Variants in MAP3K7 observed in about 807,000 individuals in gnomAD.
MAP3K7 encodes the protein mitogen-activated protein kinase kinase kinase 7.
In MAP3K7, 21 loss-of-function variants were observed where a neutral mutation model predicts 84.8. The observed-to-expected ratio is 0.25, with a 90% CI of 0.18 to 0.36. MAP3K7 has a LOEUF of 0.36. Ranked by LOEUF, MAP3K7 falls within the 10% of genes least tolerant of loss-of-function variation. MAP3K7 has a pLI of 1.00. For missense variants in MAP3K7, 503 were observed against 747.7 expected (o/e 0.67, Z 3.82); for synonymous variants, 241 against 247.7 (o/e 0.97, Z 0.25).
intron 6 of MAP3K7, 127 bp downstream of exon 6, chr6:90,556,373 G>A: frequency 1.1e-6 from 1 of 949,120 alleles, no homozygotes; most frequent in South Asian, 2.1e-5. Context: ...TATCCCCTTA[G>A]ATTTCATTGT....
chr6:90,560,009 G>T, intron 5 of MAP3K7, 67 bp downstream of exon 5: 1 of 1,574,028 alleles, frequency 6.4e-7, no homozygotes, highest in Non-Finnish European at 8.7e-7. Context: ...TAGAGAGTGG[G>T]TTCGGGGTGG....
chr6:90,535,974 T>C (rs1289246324), intron 13 of MAP3K7, among the ~76,000 whole-genome samples: 1 of 152,148 alleles, frequency 6.6e-6, no homozygotes, highest in Middle Eastern at 3.2e-3. Flanking sequence ...ACTACCCTTA[T>C]TAGTAAAAAG....
chr6:90,521,826 C>T lies in MAP3K7; in HGVS notation c.1462+1852G>A, dbSNP rs185548276. 3.3e-4 allele frequency among the ~76,000 whole-genome samples: 50 copies of T among 152,072 alleles called. No individual in the cohort carries two copies. In the East Asian group the frequency reaches 8.7e-3, roughly 26 times the overall value. ...TATATTATAAATAGGAACTGAAGAG[C>T]GCTTATTATCGGCTATGATTATTAA... On this transcript the variant is annotated intron_variant, in intron 14 of 16. Coordinates refer to ENST00000369329, the MANE Select transcript of MAP3K7 (RefSeq NM_145331.3).
At chr6:90,575,688 C>T (rs1777051727) in intron 1 of MAP3K7, among the ~76,000 whole-genome samples, 1 of 152,090 alleles carries the variant, frequency 6.6e-6, no homozygotes, top group South Asian at 2.1e-4. Flanking sequence ...AGCTCAAATA[C>T]TTAATGAAGA....
chr6:90,570,671 T>C (rs1776871459), intron 2 of MAP3K7, among the ~76,000 whole-genome samples: 1 of 152,192 alleles, frequency 6.6e-6, no homozygotes, highest in Non-Finnish European at 1.5e-5. Context: ...ATTTTTTACA[T>C]TACATGCACA....
intron 14 of MAP3K7, among the ~76,000 whole-genome samples, chr6:90,522,728 AT>A (rs1289075149): frequency 6.6e-6 from 1 of 152,128 alleles, no homozygotes; most frequent in Non-Finnish European, 1.5e-5. Flanking sequence ...CACCCAGTTA[AT>A]TTTTTAAATT....
At chr6:90,566,639 A>G (rs1776715549) in intron 3 of MAP3K7, among the ~76,000 whole-genome samples, 1 of 152,202 alleles carries the variant, frequency 6.6e-6, no homozygotes, top group African/African-American at 2.4e-5. Flanking sequence ...CATACTGCCC[A>G]AGGTAATTTA....
chr6:90,581,833 T>C (rs1273503632), intron 1 of MAP3K7, among the ~76,000 whole-genome samples: 2 of 152,122 alleles, frequency 1.3e-5, no homozygotes, highest in Non-Finnish European at 2.9e-5. Context: ...ATAAATTAGG[T>C]TTTTCTCTAA....
rs760970094 is a variant in MAP3K7, at chr6:90,553,560, C to T, written c.634G>A (p.Val212Ile). ...EGSNYSEKCD[V>I]FSWGIILWEV... ...CAAAGAATAATACCCCAGCTGAAGA[C>T]GTCACATTTTTCACTGTAATTACTA... The change falls in exon 7 of 17, where the codon GTC becomes ATC. Residue 212 changes from valine (V) to isoleucine (I), a missense_variant. By Grantham distance (29) the Val-to-Ile change is conservative. Transcript: ENST00000369329. 4 of 1,611,808 alleles carry T rather than the reference C, an allele frequency of 2.5e-6. No individual in the cohort carries two copies. Among genetic ancestry groups the T allele is most frequent in the South Asian group, 1.1e-5 (1 of 90,674 alleles).
intron 1 of MAP3K7, among the ~76,000 whole-genome samples, chr6:90,572,362 T>C (rs955502964): frequency 7.2e-5 from 11 of 151,954 alleles, no homozygotes; most frequent in Non-Finnish European, 1.5e-4. Flanking sequence ...CAAGAAAAAC[T>C]ATTGATATAT....
At chr6:90,559,062 G>A (rs1009366981) in intron 5 of MAP3K7, among the ~76,000 whole-genome samples, 4 of 152,176 alleles carry the variant, frequency 2.6e-5, no homozygotes, top group African/African-American at 9.7e-5. Flanking sequence ...AAGGCTAAGT[G>A]ATTTTTTCAT....
intron 16 of MAP3K7, among the ~76,000 whole-genome samples, chr6:90,517,985 G>T (rs1775023280): frequency 1.3e-5 from 2 of 151,758 alleles, no homozygotes; most frequent in South Asian, 4.1e-4. Flanking sequence ...ATTAGGCTGT[G>T]TTTCTTTAAA....
chr6:90,526,947 A>G (rs2127959073), intron 13 of MAP3K7, among the ~76,000 whole-genome samples: 1 of 152,214 alleles, frequency 6.6e-6, no homozygotes, highest in South Asian at 2.1e-4. Flanking sequence ...ACTGAACCTC[A>G]CTTCCAAAAA....
At chr6:90,549,735 G>T (rs1404272912) in intron 9 of MAP3K7, among the ~76,000 whole-genome samples, 2 of 152,026 alleles carry the variant, frequency 1.3e-5, no homozygotes, top group Admixed American at 1.3e-4. Flanking sequence ...AGAATTCAGA[G>T]CAACTCAAAA....
chr6:90,558,355 T>G (rs1776403253), intron 5 of MAP3K7, among the ~76,000 whole-genome samples: 1 of 151,460 alleles, frequency 6.6e-6, no homozygotes, highest in Admixed American at 6.6e-5. Flanking sequence ...TAAAAATAAT[T>G]AAAAAATAAA....
intron 13 of MAP3K7, among the ~76,000 whole-genome samples, chr6:90,534,896 A>G (rs1775617478): frequency 6.6e-6 from 1 of 152,146 alleles, no homozygotes; most frequent in Non-Finnish European, 1.5e-5. Flanking sequence ...AAAGAATCAA[A>G]GCAAATAGCA....
rs778028910 is a variant in MAP3K7 at position 90,523,700 on chromosome 6, T to C, written c.1440A>G (p.Pro480=). ...PTSEKPTRSH[P]WTPDDSTDTN... is the part of the protein sequence containing the mutation. ...CACCTGTGGAATCATCAGGGGTCCATGGATGACTTCGAGTTGGCTTTTCTG... is the reference window on the plus strand; with the variant it reads ...CACCTGTGGAATCATCAGGGGTCCACGGATGACTTCGAGTTGGCTTTTCTG... The change falls in exon 14 of 17, where the codon CCA becomes CCG. Residue 480 remains proline, a synonymous_variant. Coordinates refer to ENST00000369329, the MANE Select transcript of MAP3K7 (RefSeq NM_145331.3). 1 of 1,613,218 alleles carries C rather than the reference T, an allele frequency of 6.2e-7. No individual in the cohort carries two copies. The highest frequency in any genetic ancestry group is 8.5e-7 in the Non-Finnish European group (1 of 1,179,304).
intron 12 of MAP3K7, among the ~76,000 whole-genome samples, chr6:90,537,706 CTG>C (rs1475860705): frequency 6.6e-6 from 1 of 151,866 alleles, no homozygotes; most frequent in African/African-American, 2.4e-5. Flanking sequence ...AACAACAAAA[CTG>C]TGCATTTATT....
intron 14 of MAP3K7, among the ~76,000 whole-genome samples, chr6:90,521,628 C>T (rs2127956181): frequency 6.6e-6 from 1 of 152,112 alleles, no homozygotes. Context: ...ATGACTCTAA[C>T]CAGACTGCAA....
Sources: gnomAD v4.1 joint callset for allele counts (sites outside exome capture counted in the v4.1 genomes callset) on GRCh38, gnomAD v4.1.1 for gene constraint, MANE v1.5 for transcripts, NCBI Gene and HGNC (gene_info 2026-07-23, HGNC 2026-07-21) for gene names.